The following SH3BGRL2 variants were observed in gnomAD, a reference collection of about 807,000 sequenced individuals.
SH3BGRL2 encodes the protein SH3 domain binding glutamate rich protein like 2, also known as SH3 domain-binding glutamic acid-rich-like protein 2.
Under a neutral mutation model 14.8 loss-of-function variants are expected in SH3BGRL2, and 21 were observed. The observed-to-expected ratio is 1.42, with a 90% CI of 1.01 to 2.05. The LOEUF (loss-of-function observed/expected upper bound fraction) is 2.05. Ranked by LOEUF, SH3BGRL2 falls within the 30% of genes most tolerant of loss-of-function variation. The pLI is 0.00. For synonymous variants in SH3BGRL2, 50 were observed against 47.8 expected (o/e 1.05, Z -0.19); for missense variants, 147 against 130.8 (o/e 1.12, Z -0.61).
At chr6:79,599,391 A>G in the SH3BGRL2 span, among the ~76,000 whole-genome samples, 43,562 of 149,038 alleles carry the variant, frequency 0.29, 6,707 homozygotes, top group Non-Finnish European at 0.35. Flanking sequence ...TTTTTTTTGA[A>G]ATGGAATCTC....
the SH3BGRL2 span, among the ~76,000 whole-genome samples, chr6:79,597,358 A>G: frequency 7.3e-5 from 11 of 151,126 alleles, no homozygotes; most frequent in Non-Finnish European, 1.6e-4. Flanking sequence ...AAGAGGAAGG[A>G]TGGAAGGAAG....
chr6:79,601,484 C>A, the SH3BGRL2 span, among the ~76,000 whole-genome samples: 87 of 152,318 alleles, frequency 5.7e-4, no homozygotes, highest in East Asian at 0.014. Flanking sequence ...GCGTGAGCAA[C>A]CTTGCCTGGT....
chr6:79,563,170 G>A, the SH3BGRL2 span, among the ~76,000 whole-genome samples: 2 of 151,516 alleles, frequency 1.3e-5, no homozygotes, highest in Admixed American at 1.3e-4. Flanking sequence ...GTAGAGACGG[G>A]GTTTCACAGT....
the SH3BGRL2 span, among the ~76,000 whole-genome samples, chr6:79,583,066 T>C: frequency 6.6e-6 from 1 of 152,066 alleles, no homozygotes; most frequent in African/African-American, 2.4e-5. Context: ...GAAATGCAAA[T>C]TAAAACCACA....
the SH3BGRL2 span, among the ~76,000 whole-genome samples, chr6:79,624,271 G>A: frequency 6.7e-6 from 1 of 149,518 alleles, no homozygotes; most frequent in Non-Finnish European, 1.5e-5. Flanking sequence ...ACTATATATA[G>A]TATATCATAT....
At chr6:79,639,625 C>A (rs1035241356) in intron 1 of SH3BGRL2, among the ~76,000 whole-genome samples, 1 of 152,078 alleles carries the variant, frequency 6.6e-6, no homozygotes, top group Admixed American at 6.5e-5. Flanking sequence ...CCACCAACAA[C>A]AAAAATACTT....
chr6:79,634,573 A>T (rs1768886804), intron 1 of SH3BGRL2, among the ~76,000 whole-genome samples: 1 of 152,156 alleles, frequency 6.6e-6, no homozygotes, highest in Non-Finnish European at 1.5e-5. Flanking sequence ...TATTTCATTT[A>T]TTCCGTCAGT....
At chr6:79,665,068 C>T (rs1769629883) in intron 1 of SH3BGRL2, among the ~76,000 whole-genome samples, 1 of 152,034 alleles carries the variant, frequency 6.6e-6, no homozygotes, top group South Asian at 2.1e-4. Flanking sequence ...GGCGTCGTGG[C>T]GGGCGCCTGT....
chr6:79,631,613 G>C, intron 1 of SH3BGRL2, 107 bp downstream of exon 1: 1 of 868,588 alleles, frequency 1.2e-6, no homozygotes, highest in Non-Finnish European at 1.5e-6. Context: ...CGGTCCGCCC[G>C]CGGGAGCCCG....
chr6:79,553,372 C>A, the SH3BGRL2 span, among the ~76,000 whole-genome samples: 1 of 152,182 alleles, frequency 6.6e-6, no homozygotes, highest in Non-Finnish European at 1.5e-5. Context: ...AGGCAAGATA[C>A]ACACATGTTC....
At chr6:79,635,520 A>G (rs1197320632) in intron 1 of SH3BGRL2, among the ~76,000 whole-genome samples, 3 of 152,258 alleles carry the variant, frequency 2.0e-5, no homozygotes, top group Admixed American at 6.5e-5. Flanking sequence ...TGATGGTCAG[A>G]ACAGACATGT....
the SH3BGRL2 span, among the ~76,000 whole-genome samples, chr6:79,572,248 C>A: frequency 6.6e-6 from 1 of 152,016 alleles, no homozygotes; most frequent in South Asian, 2.1e-4. Context: ...CATTAATGTA[C>A]CTGATGATAT....
At chr6:79,607,889 T>G in the SH3BGRL2 span, among the ~76,000 whole-genome samples, 1 of 151,888 alleles carries the variant, frequency 6.6e-6, no homozygotes, top group African/African-American at 2.4e-5. Context: ...GAGGTTACAG[T>G]GAGCCGAGAT....
At chr6:79,538,027 T>TG in the SH3BGRL2 span, among the ~76,000 whole-genome samples, 1 of 86,964 alleles carries the variant, frequency 1.1e-5, no homozygotes, top group Non-Finnish European at 2.4e-5. Flanking sequence ...AGTTTTTTTT[T>TG]TTTTTTTTTT....
chr6:79,553,414 A>G, the SH3BGRL2 span, among the ~76,000 whole-genome samples: 2 of 152,238 alleles, frequency 1.3e-5, no homozygotes, highest in African/African-American at 4.8e-5. Flanking sequence ...AGAGTTCATC[A>G]TCTCAATAAA....
the SH3BGRL2 span, among the ~76,000 whole-genome samples, chr6:79,552,403 T>C: frequency 6.6e-6 from 1 of 152,342 alleles, no homozygotes; most frequent in South Asian, 2.1e-4. Flanking sequence ...GACTTAACCC[T>C]TGACTGGCAT....
chr6:79,603,922 A>C, the SH3BGRL2 span, among the ~76,000 whole-genome samples: 1 of 151,890 alleles, frequency 6.6e-6, no homozygotes, highest in African/African-American at 2.4e-5. Flanking sequence ...CTCCTGCCTC[A>C]CCCTCCCAAG....
chr6:79,569,456 G>A, the SH3BGRL2 span, among the ~76,000 whole-genome samples: 1 of 152,178 alleles, frequency 6.6e-6, no homozygotes, highest in Non-Finnish European at 1.5e-5. Flanking sequence ...AGCTTTGCAA[G>A]GGCATTTCAA....
At chr6:79,589,543 C>G in the SH3BGRL2 span, among the ~76,000 whole-genome samples, 1 of 151,794 alleles carries the variant, frequency 6.6e-6, no homozygotes, top group Middle Eastern at 3.2e-3. Flanking sequence ...TAAAGAAAAA[C>G]TTGTTTATTA....
Sources: gnomAD v4.1 joint callset for allele counts (sites outside exome capture counted in the v4.1 genomes callset) on GRCh38, gnomAD v4.1.1 for gene constraint, MANE v1.5 for transcripts, NCBI Gene and HGNC (gene_info 2026-07-23, HGNC 2026-07-21) for gene names.